The following HYDIN variants were observed in gnomAD, a reference collection of about 807,000 sequenced individuals.
HYDIN encodes axonemal central pair apparatus protein HYDIN.
HYDIN carries 132 observed loss-of-function variants against 403.9 expected under a neutral mutation model. That is an observed-to-expected ratio of 0.33 (90% confidence interval 0.28 to 0.38). The LOEUF (loss-of-function observed/expected upper bound fraction) is 0.38, where lower values mean the gene tolerates loss of function less well. HYDIN is among the 10% of genes least tolerant of loss of function. The pLI is 1.00. For missense variants in HYDIN, 2,827 were observed against 5,009.5 expected, an observed-to-expected ratio of 0.56 and a Z score of 13.15; for synonymous variants, 1,202 against 1,891.7, an observed-to-expected ratio of 0.64 and a Z score of 9.46.
At chr16:71,209,680 C>T (rs144715624) in intron 1 of HYDIN, among the ~76,000 whole-genome samples, 1,928 of 152,274 alleles carry the variant, frequency 0.013, 43 homozygotes, top group African/African-American at 0.041. Flanking sequence ...TAAGCAACTT[C>T]AGCAAAGTTT....
chr16:70,857,559 T>C lies in HYDIN; in HGVS notation c.12295+146A>G, dbSNP rs562158195. Reference sequence around the variant, plus strand: ...ATTAGATTGAGCAGTAAATATTTTGTGGCTTTTTAAAAACTGATTGAGACC... The same window carrying C: ...ATTAGATTGAGCAGTAAATATTTTGCGGCTTTTTAAAAACTGATTGAGACC... On this transcript the variant is annotated intron_variant, in intron 72 of 85. Transcript: ENST00000393567. 5.6e-4 allele frequency: 503 copies of C among 897,596 alleles called. 6 individuals are homozygous for C. In the South Asian group the frequency reaches 8.4e-3, roughly 15 times the overall value. The allele number at this position is 897,596 out of a possible 1,614,324, so 55.6% of individuals were successfully genotyped here.
At chr16:71,108,045 T>C (rs1185369487) in intron 10 of HYDIN, among the ~76,000 whole-genome samples, 4 of 152,110 alleles carry the variant, frequency 2.6e-5, no homozygotes, top group Non-Finnish European at 4.4e-5. Context: ...GAGGCCATCA[T>C]CCCTAGCAAA....
At chr16:71,146,111 A>AAAGAATGAG (rs1265251647) in intron 7 of HYDIN, among the ~76,000 whole-genome samples, 1 of 152,230 alleles carries the variant, frequency 6.6e-6, no homozygotes, top group African/African-American at 2.4e-5. Flanking sequence ...CAAATGTTTA[A>AAAGAATGAG]AAGAATGAGA....
rs1473696935 is a variant in HYDIN at position 70,970,620 on chromosome 16, G to C, written c.5519C>G (p.Ala1840Gly). The part of the protein sequence containing the change: ...VLDLGPLLLC[A>G]PGDEAEVIVK... Reference sequence around the variant, plus strand: ...TATCACCTCGGCCTCGTCTCCAGGTGCACAAAGTAGCAGTGGCCCCAGATC... The same window carrying C: ...TATCACCTCGGCCTCGTCTCCAGGTCCACAAAGTAGCAGTGGCCCCAGATC... Residue 1840 changes from alanine (A) to glycine (G), a missense_variant, in exon 36 of 86, where the codon GCA (alanine) becomes GGA (glycine). Physicochemically the swap from Ala to Gly is moderately conservative, Grantham distance 60. Coordinates refer to ENST00000393567, the MANE Select transcript of HYDIN (RefSeq NM_001270974.2). 1 of 1,460,598 alleles carries C rather than the reference G, an allele frequency of 6.8e-7. No individual in the cohort carries two copies. The highest frequency in any genetic ancestry group is 1.7e-5 in the Admixed American group (1 of 59,066). 90.5% of individuals were successfully genotyped at this position (1,460,598 alleles called of 1,614,324 possible). A position where few individuals can be genotyped will look rare whatever the true frequency, so the allele number is the denominator to read the frequency against.
At chr16:71,009,790 A>G (rs1353016757) in intron 23 of HYDIN, among the ~76,000 whole-genome samples, 3 of 123,594 alleles carry the variant, frequency 2.4e-5, no homozygotes, top group African/African-American at 8.1e-5. Flanking sequence ...TGGAAGGGCC[A>G]GAGACTAGGA....
rs756437118 is a variant in HYDIN, at chr16:70,920,802, C to T, written c.7574G>A (p.Arg2525His). The T allele has an allele frequency of 5.8e-6, 9 of 1,561,790 alleles. No homozygotes were observed. Among genetic ancestry groups the T allele is most frequent in the East Asian group, 4.8e-5 (2 of 41,642 alleles). The change falls in exon 46 of 86, where the codon CGC becomes CAC. Residue 2525 changes from arginine to histidine, a missense_variant. Coordinates refer to ENST00000393567, the MANE Select transcript of HYDIN (RefSeq NM_001270974.2). ...CCGCTCCGCCTTCTCCCTCTCCAGGCGCTCCTTCTCCGTGCGCTCCTTCTC... is the reference window on the plus strand; with the variant it reads ...CCGCTCCGCCTTCTCCCTCTCCAGGTGCTCCTTCTCCGTGCGCTCCTTCTC... ...RLEKERTEKE[R>H]LEREKAERER...
chr16:71,043,446 C>A (rs8048315), intron 18 of HYDIN, among the ~76,000 whole-genome samples: 18,662 of 94,950 alleles, frequency 0.2, 2,553 homozygotes, highest in Middle Eastern at 0.29. Context: ...CAAACTGCCT[C>A]ATTTTCTTGT....
At chr16:70,820,087 T>C (rs2036138621) in intron 83 of HYDIN, among the ~76,000 whole-genome samples, 2 of 150,162 alleles carry the variant, frequency 1.3e-5, no homozygotes, top group African/African-American at 4.9e-5. Context: ...CCCAAAGTGC[T>C]GAGTTTACAG....
chr16:71,203,067 T>G (rs947566217), intron 1 of HYDIN, among the ~76,000 whole-genome samples: 1 of 152,180 alleles, frequency 6.6e-6, no homozygotes, highest in African/African-American at 2.4e-5. Flanking sequence ...TTTAAAGGTA[T>G]TGGTAGCCTC....
Position 70,898,889 on chromosome 16 carries a change from G to A in HYDIN, c.9048+2115C>T, listed in dbSNP as rs573649867. 5.9e-5 allele frequency among the ~76,000 whole-genome samples: 9 copies of A among 151,616 alleles called. No homozygotes were observed. The East Asian group carries it at 1.4e-3, about 23-fold the overall frequency. On this transcript the variant is annotated intron_variant, in intron 53 of 85. Transcript: ENST00000393567. ...CTCCCGAGTAGCTGGGGTTACAGGCGTGCGCCACCACATCCGGCTAATTTT... is the reference window on the plus strand; with the variant it reads ...CTCCCGAGTAGCTGGGGTTACAGGCATGCGCCACCACATCCGGCTAATTTT...
At chr16:70,842,000 T>C (rs1312309613) in intron 75 of HYDIN, among the ~76,000 whole-genome samples, 3 of 150,840 alleles carry the variant, frequency 2.0e-5, no homozygotes, top group Admixed American at 6.6e-5. Flanking sequence ...TTGATAAAGA[T>C]GATGTGTTAG....
intron 18 of HYDIN, among the ~76,000 whole-genome samples, chr16:71,043,096 T>C (rs1303349492): frequency 6.6e-6 from 1 of 152,000 alleles, no homozygotes; most frequent in Admixed American, 6.6e-5. Flanking sequence ...GATTAGGATT[T>C]ATTTTCCTTC....
intron 72 of HYDIN, among the ~76,000 whole-genome samples, chr16:70,855,971 G>T (rs953580374): frequency 6.6e-6 from 1 of 151,852 alleles, no homozygotes; most frequent in African/African-American, 2.4e-5. Context: ...CCCTAGTTGG[G>T]ATTCTAATTG....
At chr16:70,845,792 T>G (rs1206553133) in intron 75 of HYDIN, among the ~76,000 whole-genome samples, 3 of 136,488 alleles carry the variant, frequency 2.2e-5, no homozygotes, top group Admixed American at 6.9e-5. Context: ...GTCGAGGAAT[T>G]TATCCATTTC....
chr16:71,195,063 G>A (rs560204608), intron 1 of HYDIN, among the ~76,000 whole-genome samples: 1 of 152,222 alleles, frequency 6.6e-6, no homozygotes, highest in African/African-American at 2.4e-5. Context: ...TGTGAAATAG[G>A]CCACACATTT....
chr16:70,942,903 T>C (rs1249442574), intron 42 of HYDIN, among the ~76,000 whole-genome samples: 4 of 152,194 alleles, frequency 2.6e-5, no homozygotes, highest in African/African-American at 4.8e-5. Flanking sequence ...ATCTAAAACA[T>C]TGGCACACTT....
At chr16:70,952,681 C>CA (rs1271014429) in intron 40 of HYDIN, 46 bp from the exon 41 acceptor site, 2 of 1,255,494 alleles carry the variant, frequency 1.6e-6, no homozygotes, top group African/African-American at 1.6e-5. Flanking sequence ...CTTAGAATCA[C>CA]AAAAAATGAC....
chr16:71,020,067 A>T, intron 22 of HYDIN, 107 bp downstream of exon 22: 2 of 877,944 alleles, frequency 2.3e-6, no homozygotes, highest in Non-Finnish European at 3.4e-6. Context: ...TGGATCCTTT[A>T]CATCTTTCTG....
intron 84 of HYDIN, among the ~76,000 whole-genome samples, chr16:70,810,459 G>A (rs1274366561): frequency 1.3e-5 from 2 of 152,212 alleles, no homozygotes; most frequent in Non-Finnish European, 1.5e-5. Context: ...CAATTCGAAT[G>A]TATTATTAGT....
Sources: allele counts gnomAD v4.1 joint callset (sites outside exome capture counted in the v4.1 genomes callset), GRCh38; gene constraint gnomAD v4.1.1; transcripts MANE v1.5; gene names NCBI Gene and HGNC (gene_info 2026-07-23, HGNC 2026-07-21).